The following BCAP31 variants were observed in gnomAD, a reference collection of about 807,000 sequenced individuals.
BCAP31 encodes B-cell receptor-associated protein 31.
For missense variants in BCAP31, 124 were observed against 193.0 expected (o/e 0.64, Z 2.12); for synonymous variants, 75 against 80.9 (o/e 0.93, Z 0.39).
At chrX:153,709,462 T>C (rs1487304303) in intron 4 of BCAP31, among the ~76,000 whole-genome samples, 2 of 112,165 alleles carry the variant, frequency 1.8e-5, no homozygotes, top group African/African-American at 6.5e-5. Context: ...GAGAAGGCAG[T>C]GCAGGTCCTC....
At chrX:153,716,091 G>A (rs6643774) in intron 3 of BCAP31, among the ~76,000 whole-genome samples, 10,187 of 106,057 alleles carry the variant, frequency 0.096, 423 homozygotes, top group South Asian at 0.15. Flanking sequence ...ATTTGAACCC[G>A]GGAGGCGGAG....
At chrX:153,719,611 C>T (rs1291965052) in intron 3 of BCAP31, among the ~76,000 whole-genome samples, 3 of 110,722 alleles carry the variant, frequency 2.7e-5, no homozygotes, top group African/African-American at 9.9e-5. Flanking sequence ...ACCACAGCCC[C>T]CCACCCGCTC....
intron 3 of BCAP31, among the ~76,000 whole-genome samples, chrX:153,720,168 G>A (rs1413986103): frequency 9.0e-6 from 1 of 111,618 alleles, no homozygotes; most frequent in Non-Finnish European, 1.9e-5. Flanking sequence ...TTAAGTGACT[G>A]GTGAGCAGCA....
chrX:153,712,677 G>A, intron 4 of BCAP31, among the ~76,000 whole-genome samples: 1 of 112,330 alleles, frequency 8.9e-6, no homozygotes, highest in East Asian at 2.8e-4. Context: ...TTGGTCTTGC[G>A]TGACTTCTTA....
At chrX:153,716,617 G>GTA (rs2091630615) in intron 3 of BCAP31, among the ~76,000 whole-genome samples, 1 of 107,980 alleles carries the variant, frequency 9.3e-6, no homozygotes, top group African/African-American at 3.4e-5. Context: ...TTAAATAGCT[G>GTA]GGCATGGTGC....
intron 3 of BCAP31, among the ~76,000 whole-genome samples, 192 bp downstream of exon 3, chrX:153,720,680 T>C (rs918058583): frequency 8.9e-6 from 1 of 111,943 alleles, no homozygotes; most frequent in African/African-American, 3.2e-5. Flanking sequence ...GGCCTCAAAG[T>C]GAAGAACCGA....
chrX:153,703,086 A>T, intron 5 of BCAP31, 28 bp from the exon 6 acceptor site: 1 of 1,206,378 alleles, frequency 8.3e-7, no homozygotes, highest in African/African-American at 1.7e-5. Flanking sequence ...GGCCAGGGTT[A>T]CTCAGGAGGG....
At position 153,716,115 on chromosome X, in the gene BCAP31, G is replaced by A. The variant is rs11798894; in HGVS notation, c.194-426C>T. The stretch of plus-strand genomic sequence containing the variant: ...CGGGAGGCGGAGGTTGCAGTGAGCC[G>A]AAATTGAGCCACTGCACTCCAGACC... On this transcript the variant is annotated intron_variant, in intron 3 of 7. Coordinates refer to ENST00000345046, the MANE Select transcript of BCAP31 (RefSeq NM_001256447.2). 3.2e-3 allele frequency among the ~76,000 whole-genome samples: 329 copies of A among 102,209 alleles called. 1 individual carries two copies. Among genetic ancestry groups the A allele is most frequent in the Middle Eastern group, 5.6e-3 (1 of 177 alleles). The allele number at this position is 102,209 out of a possible 115,157, so 88.8% of individuals were successfully genotyped here.
At chrX:153,710,221 C>CCACT (rs1557048955) in intron 4 of BCAP31, among the ~76,000 whole-genome samples, 1 of 111,557 alleles carries the variant, frequency 9.0e-6, no homozygotes, top group Non-Finnish European at 1.9e-5. Context: ...TGATAGCGAG[C>CCACT]CACTGGAAGT....
chrX:153,714,761 T>C (rs994058665), intron 4 of BCAP31, among the ~76,000 whole-genome samples: 1 of 111,132 alleles, frequency 9.0e-6, no homozygotes, highest in Non-Finnish European at 1.9e-5. Context: ...AATTTAATCC[T>C]CACTGCCGTA....
intron 4 of BCAP31, among the ~76,000 whole-genome samples, chrX:153,707,266 C>A: frequency 9.0e-6 from 1 of 110,659 alleles, no homozygotes; most frequent in East Asian, 2.8e-4. Flanking sequence ...TATGGCTGCC[C>A]TACCAGGCTA....
intron 4 of BCAP31, among the ~76,000 whole-genome samples, chrX:153,707,884 T>C (rs1406198817): frequency 8.8e-6 from 1 of 113,356 alleles, no homozygotes; most frequent in African/African-American, 3.2e-5. Flanking sequence ...TCTGTTCCCT[T>C]GTAGCTTCCC....
intron 6 of BCAP31, 27 bp downstream of exon 6, chrX:153,702,908 G>A (rs374187108): frequency 2.3e-4 from 275 of 1,205,480 alleles, no homozygotes; most frequent in Non-Finnish European, 2.7e-4. Flanking sequence ...ACTTCCCTGC[G>A]GGGAAGGACA....
rs2091513969 is a variant in BCAP31 at position 153,700,925 on chromosome X, G to A, written c.*12C>T. ...GTGGAAGCCAGCTGCAGGCAGGGGA[G>A]GAAGGAGGCCCTTACTCTTCCTTCT... On this transcript the variant is annotated 3_prime_UTR_variant, in exon 8 of 8. Coordinates refer to ENST00000345046, the MANE Select transcript of BCAP31 (RefSeq NM_001256447.2). 1.7e-6 allele frequency: 2 copies of A among 1,202,697 alleles called. No individual in the cohort carries two copies. Among genetic ancestry groups the A allele is most frequent in the Non-Finnish European group, 2.2e-6 (2 of 891,139 alleles).
chrX:153,721,023 G>T, intron 2 of BCAP31, 51 bp from the exon 3 acceptor site: 1 of 1,080,170 alleles, frequency 9.3e-7, no homozygotes, highest in Non-Finnish European at 1.3e-6. Context: ...ACACACACGA[G>T]CTCTAGGGCC....
chrX:153,716,598 A>T (rs1461939120), intron 3 of BCAP31, among the ~76,000 whole-genome samples: 2 of 108,531 alleles, frequency 1.8e-5, no homozygotes, highest in Non-Finnish European at 3.8e-5. Flanking sequence ...AAAAAAAAAA[A>T]AAAAAATTTT....
chrX:153,704,017 G>A lies in BCAP31; in HGVS notation c.419C>T (p.Ala140Val), dbSNP rs1557047929. The A allele has an allele frequency of 8.3e-7, 1 of 1,211,629 alleles. No individual in the cohort carries two copies. Among genetic ancestry groups the A allele is most frequent in the Non-Finnish European group, 1.1e-6 (1 of 895,328 alleles). The change falls in exon 5 of 8, where the codon GCG becomes GTG. Residue 140 changes from alanine to valine, a missense_variant. Transcript: ENST00000345046. ...LASNEAFKKQ[A>V]ESASEAAKKY... The stretch of plus-strand genomic sequence containing the variant: ...CTTGGCCGCCTCACTAGCACTCTCC[G>A]CCTGCTTTTTAAAGGCTTCATTGGA...
In BCAP31 at chrX:153,702,433, G is replaced by A. The variant is rs1160902360; in HGVS notation, c.602-326C>T. On this transcript the variant is annotated intron_variant, in intron 6 of 7. Coordinates refer to ENST00000345046, the MANE Select transcript of BCAP31 (RefSeq NM_001256447.2). ...GAGACAGGGAGCAAGATCCCAGCCT[G>A]CAAGCGAGACCCAATGACAACCACG... The A allele has an allele frequency of 1.3e-5, 3 of 235,640 alleles. No homozygotes were observed. In the East Asian group the frequency reaches 3.0e-4, roughly 24 times the overall value. The allele number at this position is 235,640 out of a possible 1,213,427, so 19.4% of individuals were successfully genotyped here. A position where few individuals can be genotyped will look rare whatever the true frequency, so the allele number is the denominator to read the frequency against.
intron 6 of BCAP31, chrX:153,702,312 AG>A (rs1557047522): frequency 7.8e-6 from 3 of 382,532 alleles, no homozygotes; most frequent in Non-Finnish European, 1.4e-5. Flanking sequence ...CTCAAGATAA[AG>A]CAAAAGAAAC....
Sources: gnomAD v4.1 joint callset for allele counts (sites outside exome capture counted in the v4.1 genomes callset) on GRCh38, gnomAD v4.1.1 for gene constraint, MANE v1.5 for transcripts, NCBI Gene and HGNC (gene_info 2026-07-23, HGNC 2026-07-21) for gene names.